ELFN2: variants seen among roughly 807,000 people sequenced by gnomAD.
ELFN2 encodes the protein protein phosphatase 1 regulatory subunit 29.
A neutral mutation model predicts 45.5 loss-of-function variants in ELFN2; 17 were observed. The observed-to-expected ratio is 0.37, with a 90% CI of 0.26 to 0.56. The LOEUF (loss-of-function observed/expected upper bound fraction) is 0.56. Ranked by LOEUF, ELFN2 falls within the 20% of genes least tolerant of loss-of-function variation. The pLI is 0.77. For synonymous variants in ELFN2, 550 were observed against 551.5 expected, an observed-to-expected ratio of 1.00 and a Z score of 0.04; for missense variants, 922 against 1,183.2, an observed-to-expected ratio of 0.78 and a Z score of 3.24.
At chr22:37,351,242 T>A (rs73164581) in intron 1 of ELFN2, among the ~76,000 whole-genome samples, 4,531 of 148,774 alleles carry the variant, frequency 0.03, 301 homozygotes, top group Middle Eastern at 0.092. Context: ...CCTCACTGTC[T>A]TCTCCTTGTT....
At chr22:37,413,009 T>A (rs943762569) in intron 2 of ELFN2, among the ~76,000 whole-genome samples, 4 of 152,188 alleles carry the variant, frequency 2.6e-5, no homozygotes, top group African/African-American at 9.6e-5. Context: ...CTCTGCACCC[T>A]GGAAGAGAAT....
At chr22:37,426,288 C>T (rs73414234) in intron 1 of ELFN2, among the ~76,000 whole-genome samples, 7,698 of 152,156 alleles carry the variant, frequency 0.051, 689 homozygotes, top group African/African-American at 0.18. Context: ...GCACGCCTGA[C>T]ACACCATGGC....
At chr22:37,366,315 A>G (rs1043344194), downstream of ELFN2, among the ~76,000 whole-genome samples, 2 of 152,328 alleles carry the variant, frequency 1.3e-5, no homozygotes, top group Non-Finnish European at 1.5e-5. Context: ...TCTAAGCCTA[A>G]GAACTGTTGC....
downstream of ELFN2, among the ~76,000 whole-genome samples, chr22:37,366,250 G>T (rs1306503742): frequency 1.3e-5 from 2 of 152,226 alleles, no homozygotes; most frequent in African/African-American, 4.8e-5. Context: ...CTTCTGAGTT[G>T]AAATGAAAAG....
rs1235610589 is a variant in ELFN2, at chr22:37,372,485, T to C, written c.*587A>G. 1 of 152,830 alleles carries C rather than the reference T, an allele frequency of 6.5e-6. No homozygotes were observed. The highest frequency in any genetic ancestry group is 1.9e-4 in the East Asian group (1 of 5,200). 9.5% of individuals were successfully genotyped at this position (152,830 alleles called of 1,614,324 possible). A position where few individuals can be genotyped will look rare whatever the true frequency, so the allele number is the denominator to read the frequency against. On this transcript the variant is annotated 3_prime_UTR_variant, in exon 3 of 3. Coordinates refer to ENST00000402918, the MANE Select transcript of ELFN2 (RefSeq NM_052906.5). The surrounding 1 kb of genome is among the most constrained non-coding windows in gnomAD (Gnocchi z 4.4). ...TCCGGGACAGCACTGGGCTGGGAAG[T>C]TGGGGGACTTGAGGCTAAGCTGCTG...
At chr22:37,366,493 G>T (rs1931210199), downstream of ELFN2, among the ~76,000 whole-genome samples, 1 of 152,202 alleles carries the variant, frequency 6.6e-6, no homozygotes, top group African/African-American at 2.4e-5. Context: ...GTTTCCTGAG[G>T]AGTAGAATGA....
downstream of ELFN2, among the ~76,000 whole-genome samples, chr22:37,363,913 A>G (rs929473448): frequency 6.6e-6 from 1 of 152,176 alleles, no homozygotes; most frequent in Non-Finnish European, 1.5e-5. Flanking sequence ...GTCACCTCCA[A>G]TGCACACCTA....
intron 1 of ELFN2, among the ~76,000 whole-genome samples, chr22:37,357,758 T>C (rs1216413240): frequency 6.6e-6 from 1 of 152,188 alleles, no homozygotes; most frequent in African/African-American, 2.4e-5. Context: ...CCAGGCTTAT[T>C]GAAAGACAGG....
intron 2 of ELFN2, among the ~76,000 whole-genome samples, chr22:37,396,756 A>T (rs1201812627): frequency 6.6e-6 from 1 of 151,978 alleles, no homozygotes; most frequent in Non-Finnish European, 1.5e-5. Flanking sequence ...GGCTTCATGC[A>T]TGCCCCTGGC....
intron 1 of ELFN2, among the ~76,000 whole-genome samples, chr22:37,345,162 C>T (rs1185751447): frequency 6.6e-6 from 1 of 152,228 alleles, no homozygotes; most frequent in African/African-American, 2.4e-5. Context: ...ACCTTTCATC[C>T]TGACACACTG....
Position 37,373,204 on chromosome 22 carries a change from C to G in ELFN2, c.2331G>C (p.Lys777Asn), listed in dbSNP as rs1307596381. The change falls in exon 3 of 3, where the codon AAG becomes AAC. Residue 777 changes from lysine to asparagine, a missense_variant. By Grantham distance (94) the Lys-to-Asn change is moderately conservative (BLOSUM62 0). Around this residue, in one of 2 missense-constraint regions of ELFN2, gnomAD observed 564 missense variants for 642.8 expected, o/e 0.88. Coordinates refer to ENST00000402918, the MANE Select transcript of ELFN2 (RefSeq NM_052906.5). ...TGTACACCTCCTCCCGGTGGTGCTT[C>G]TTGTAGGGCCGGAAGCGCTCCCAGA... ...HKIWERFRPY[K>N]KHHREEVYMA... 1 of 1,613,676 alleles carries G rather than the reference C, an allele frequency of 6.2e-7. No homozygotes were observed. The highest frequency in any genetic ancestry group is 1.7e-5 in the Admixed American group (1 of 60,008).
chr22:37,409,705 CT>C (rs967000685), intron 2 of ELFN2, among the ~76,000 whole-genome samples: 1 of 152,248 alleles, frequency 6.6e-6, no homozygotes, highest in Non-Finnish European at 1.5e-5. Flanking sequence ...AGCCCAGGCA[CT>C]CACAACAGGG....
intron 1 of ELFN2, among the ~76,000 whole-genome samples, chr22:37,421,417 G>T (rs563102523): frequency 1.3e-5 from 2 of 152,334 alleles, no homozygotes; most frequent in Admixed American, 6.5e-5. Flanking sequence ...CTCCAGCCCT[G>T]CCTGGGAGGC....
At chr22:37,419,992 G>A (rs1932796845) in intron 1 of ELFN2, among the ~76,000 whole-genome samples, 1 of 152,182 alleles carries the variant, frequency 6.6e-6, no homozygotes, top group Non-Finnish European at 1.5e-5. Context: ...AATTGGCTGC[G>A]AGCGTCAGGG....
At chr22:37,382,559 TTTTAA>T (rs1267652591) in intron 2 of ELFN2, among the ~76,000 whole-genome samples, 4 of 58,386 alleles carry the variant, frequency 6.9e-5, no homozygotes, top group African/African-American at 2.9e-4. Context: ...TTTTTTTTTT[TTTTAA>T]AAACAGACTC....
chr22:37,362,200 A>G (rs968250349), intron 1 of ELFN2, among the ~76,000 whole-genome samples: 1 of 152,224 alleles, frequency 6.6e-6, no homozygotes, highest in African/African-American at 2.4e-5. Flanking sequence ...GCAGGGGGCT[A>G]GGAGAGGGTC....
intron 1 of ELFN2, among the ~76,000 whole-genome samples, chr22:37,360,698 T>C (rs1264916780): frequency 6.6e-6 from 1 of 152,148 alleles, no homozygotes; most frequent in East Asian, 1.9e-4. Context: ...GAAAGCTCCT[T>C]AGACCGAAAG....
At chr22:37,383,274 G>A (rs1484693995) in intron 2 of ELFN2, among the ~76,000 whole-genome samples, 1 of 152,182 alleles carries the variant, frequency 6.6e-6, no homozygotes, top group East Asian at 1.9e-4. Flanking sequence ...CCAGCGTCCT[G>A]TCCTCACCTT....
At chr22:37,377,597 C>T (rs949410347) in intron 2 of ELFN2, among the ~76,000 whole-genome samples, 1 of 152,230 alleles carries the variant, frequency 6.6e-6, no homozygotes, top group South Asian at 2.1e-4. Flanking sequence ...GTTAATCCCA[C>T]AAGAAGTCCG....
Sources: allele counts gnomAD v4.1 joint callset (sites outside exome capture counted in the v4.1 genomes callset), GRCh38; gene constraint gnomAD v4.1.1; regional missense constraint gnomAD v4.1.1; non-coding constraint Gnocchi (gnomAD v3.1); transcripts MANE v1.5; gene names NCBI Gene and HGNC (gene_info 2026-07-23, HGNC 2026-07-21).